Variants in CDH23 observed in about 807,000 individuals in gnomAD.
CDH23 encodes cadherin related 23, also known as cadherin-23.
Under a neutral mutation model 317.1 loss-of-function variants are expected in CDH23, and 189 were observed. That is an observed-to-expected ratio of 0.60 (90% CI 0.53 to 0.67). CDH23 has a LOEUF of 0.67. CDH23 is among the 30% of genes least tolerant of loss of function. CDH23 has a pLI of 0.00. For missense variants in CDH23, 4,401 were observed against 4,592.4 expected, an observed-to-expected ratio of 0.96 and a Z score of 1.20; for synonymous variants, 1,839 against 1,876.8, an observed-to-expected ratio of 0.98 and a Z score of 0.52.
intron 15 of CDH23, among the ~76,000 whole-genome samples, chr10:71,676,318 G>A: frequency 6.6e-6 from 1 of 151,986 alleles, no homozygotes; most frequent in East Asian, 1.9e-4. Flanking sequence ...GCTATCCGTG[G>A]GAAGGATCAA....
In CDH23 at chr10:71,549,084, C is replaced by T. The variant is rs143939800; in HGVS notation, c.430-17658C>T. ...GGGAGGGGCCAGAGCCCCCAGACAC[C>T]CAAATGTGGATATGGCCCACTACTG... On this transcript the variant is annotated intron_variant, in intron 6 of 69. Coordinates refer to ENST00000224721, the MANE Select transcript of CDH23 (RefSeq NM_022124.6). 3.1e-3 allele frequency among the ~76,000 whole-genome samples: 468 copies of T among 152,312 alleles called. 8 individuals are homozygous for T. Among genetic ancestry groups the T allele is most frequent in the African/African-American group, 0.011 (447 of 41,558 alleles).
intron 18 of CDH23, among the ~76,000 whole-genome samples, chr10:71,684,431 C>A (rs1252707547): frequency 6.6e-6 from 1 of 152,080 alleles, no homozygotes; most frequent in Admixed American, 6.6e-5. Flanking sequence ...GCAGCCTGCT[C>A]CACCCCCCCT....
intron 60 of CDH23, among the ~76,000 whole-genome samples, chr10:71,809,369 G>A (rs1023136418): frequency 6.6e-6 from 1 of 151,796 alleles, no homozygotes; most frequent in African/African-American, 2.4e-5. Context: ...AGTACAGATG[G>A]GGTTTCATCA....
At chr10:71,604,062 T>A (rs1860389377) in intron 9 of CDH23, among the ~76,000 whole-genome samples, 1 of 152,188 alleles carries the variant, frequency 6.6e-6, no homozygotes, top group Non-Finnish European at 1.5e-5. Flanking sequence ...TGGTGTGACT[T>A]CAGGCAAATC....
At chr10:71,738,783 A>T in intron 35 of CDH23, 136 bp downstream of exon 35, 1 of 1,158,484 alleles carries the variant, frequency 8.6e-7, no homozygotes, top group Non-Finnish European at 1.2e-6. Context: ...GCAATCACCC[A>T]GTCTGTGGTC....
chr10:71,578,077 C>G, intron 9 of CDH23, 85 bp downstream of exon 9: 1 of 1,354,320 alleles, frequency 7.4e-7, no homozygotes, highest in Non-Finnish European at 1.0e-6. Context: ...GCTCTGAGGG[C>G]TAAGGAGAGG....
chr10:71,474,819 C>A (rs1026326989), intron 3 of CDH23, among the ~76,000 whole-genome samples: 117 of 152,184 alleles, frequency 7.7e-4, no homozygotes, highest in Admixed American at 4.8e-3. Flanking sequence ...GTCAAGAGCC[C>A]CGGCTAGCAG....
intron 32 of CDH23, 68 bp downstream of exon 32, chr10:71,732,443 G>C: frequency 6.5e-7 from 1 of 1,541,224 alleles, no homozygotes; most frequent in Non-Finnish European, 8.8e-7. Context: ...CTCCTTCTGT[G>C]TGCACAGCAC....
rs76042729 is a variant in CDH23, at chr10:71,481,621, G to C, written c.146-28461G>C. ...GGTCAGTACCAGCCTCTGTCTAAAT[G>C]GTGGACAAATAGGTCCAGGTAGGAA... On this transcript the variant is annotated intron_variant, in intron 3 of 69. Coordinates refer to ENST00000224721, the MANE Select transcript of CDH23 (RefSeq NM_022124.6). 5.1e-3 allele frequency among the ~76,000 whole-genome samples: 780 copies of C among 152,302 alleles called. 43 individuals carry two copies. In the East Asian group the frequency reaches 0.12, roughly 23 times the overall value.
Position 71,566,834 on chromosome 10 carries a change from C to A in CDH23, c.522C>A (p.Pro174=). 6.2e-7 allele frequency: 1 copy of A among 1,614,018 alleles called. No homozygotes were observed. The highest frequency in any genetic ancestry group is 1.1e-5 in the South Asian group (1 of 91,072). Residue 174 remains proline, a synonymous_variant, in exon 7 of 70, where the codon CCC becomes CCA. Transcript: ENST00000224721. ...GCGTCCTCTACTCCTTCCAGCCCCC[C>A]TCCCAATTCTTCGCCATTGACAGCG... The part of the protein sequence containing the change: ...GGSVLYSFQP[P]SQFFAIDSAR...
At chr10:71,764,665 C>T (rs1386213129) in intron 38 of CDH23, among the ~76,000 whole-genome samples, 1 of 152,174 alleles carries the variant, frequency 6.6e-6, no homozygotes, top group Non-Finnish European at 1.5e-5. Context: ...AGAGTCCGTC[C>T]GTACTACTCC....
chr10:71,766,094 A>C (rs988277517), intron 38 of CDH23, among the ~76,000 whole-genome samples: 11 of 152,230 alleles, frequency 7.2e-5, no homozygotes, highest in African/African-American at 2.7e-4. Context: ...ATCTGTGCAC[A>C]TGCCTGTGTG....
intron 6 of CDH23, among the ~76,000 whole-genome samples, chr10:71,519,156 C>T (rs7921326): frequency 0.023 from 3,551 of 152,278 alleles, 145 homozygotes; most frequent in African/African-American, 0.081. Flanking sequence ...GCCATGAATA[C>T]GAAGCAGGGG....
At position 71,799,524 on chromosome 10, in the gene CDH23, A is replaced by G. The variant is rs759916829; in HGVS notation, c.7257A>G (p.Thr2419=). Residue 2419 remains threonine (T), a synonymous_variant, in exon 52 of 70, where the codon ACA becomes ACG. Coordinates refer to ENST00000224721, the MANE Select transcript of CDH23 (RefSeq NM_022124.6). ...TCTTTGAGGATGTGCCTGTGGGCAC[A>G]ATCATCCTGACAGTCACTGCCACTG... The part of the protein sequence containing the change: ...EAVFEDVPVG[T]IILTVTATDA... 2 of 1,613,952 alleles carry G rather than the reference A, an allele frequency of 1.2e-6. No individual in the cohort carries two copies. Among genetic ancestry groups the G allele is most frequent in the Non-Finnish European group, 1.7e-6 (2 of 1,179,916 alleles).
chr10:71,460,104 G>C (rs950202846), intron 3 of CDH23, among the ~76,000 whole-genome samples: 10 of 152,188 alleles, frequency 6.6e-5, no homozygotes, highest in African/African-American at 1.9e-4. Context: ...CCCACCCAAG[G>C]GCTCATAGGC....
At chr10:71,686,766 C>T (rs1326406603) in intron 18 of CDH23, among the ~76,000 whole-genome samples, 1 of 152,132 alleles carries the variant, frequency 6.6e-6, no homozygotes, top group Non-Finnish European at 1.5e-5. Context: ...GGGAGAAGGT[C>T]ATGAGCCAAG....
chr10:71,727,473 G>T (rs548261775), intron 30 of CDH23, among the ~76,000 whole-genome samples: 13 of 152,350 alleles, frequency 8.5e-5, no homozygotes, highest in African/African-American at 2.9e-4. Context: ...CCTTCCTGAA[G>T]GCAATGTGGG....
intron 1 of CDH23, among the ~76,000 whole-genome samples, chr10:71,422,701 C>T (rs750985931): frequency 2.6e-5 from 4 of 152,228 alleles, no homozygotes; most frequent in Non-Finnish European, 5.9e-5. Flanking sequence ...ACTGCTTGGA[C>T]CTCCTTCCTC....
chr10:71,608,305 G>A (rs1860649397), intron 9 of CDH23, among the ~76,000 whole-genome samples: 1 of 152,182 alleles, frequency 6.6e-6, no homozygotes, highest in African/African-American at 2.4e-5. Context: ...TAAGGTCCCT[G>A]ACGCTGGACC....
Sources: allele counts gnomAD v4.1 joint callset (sites outside exome capture counted in the v4.1 genomes callset), GRCh38; gene constraint gnomAD v4.1.1; transcripts MANE v1.5; gene names NCBI Gene and HGNC (gene_info 2026-07-23, HGNC 2026-07-21).